RAD51B: variants seen among roughly 807,000 people sequenced by gnomAD.
RAD51B encodes RAD51 paralog B, also known as DNA repair protein RAD51 homolog 2.
A neutral mutation model predicts 42.2 loss-of-function variants in RAD51B; 38 were observed. The ratio of observed to expected loss-of-function variants is 0.90; its 90% CI spans 0.70 to 1.18. The LOEUF (loss-of-function observed/expected upper bound fraction) is 1.18. Ranked by LOEUF, RAD51B falls within the 50% of genes most tolerant of loss-of-function variation. The pLI, the probability that RAD51B is intolerant of heterozygous loss-of-function variation, is 0.00. For missense variants in RAD51B, 373 were observed against 400.7 expected (o/e 0.93, Z 0.59); for synonymous variants, 154 against 145.2 (o/e 1.06, Z -0.43).
At chr14:68,583,521 T>C (rs1368125628) in intron 10 of RAD51B, among the ~76,000 whole-genome samples, 3 of 152,218 alleles carry the variant, frequency 2.0e-5, no homozygotes, top group Non-Finnish European at 4.4e-5. Context: ...CTTCCTGATA[T>C]GGTGAAGGCC....
At chr14:68,078,530 T>G (rs1354265290) in intron 7 of RAD51B, among the ~76,000 whole-genome samples, 1 of 152,066 alleles carries the variant, frequency 6.6e-6, no homozygotes, top group Non-Finnish European at 1.5e-5. Context: ...TGAAGCAGCT[T>G]GTCTAGGTGC....
chr14:68,651,107 T>A (rs2140138627), intron 11 of RAD51B, among the ~76,000 whole-genome samples: 1 of 152,366 alleles, frequency 6.6e-6, no homozygotes, highest in Non-Finnish European at 1.5e-5. Context: ...TTTTAAAACC[T>A]GGTAAGCATA....
rs200836455 is a variant in RAD51B at position 67,844,612 on chromosome 14, T to TTA, written c.315+9428_315+9429dup. Among the ~76,000 whole-genome samples, 442 of 146,254 alleles carry TTA rather than the reference T, an allele frequency of 3.0e-3. 1 individual carries two copies. The highest frequency in any genetic ancestry group is 9.7e-3 in the African/African-American group (389 of 39,928). ...AGTGCCCTTGTCTTTTATATATATA[T>TTA]TATATATATATATTTTTTTTATTAT... On this transcript the variant is annotated intron_variant, in intron 4 of 10. Transcript: ENST00000471583.
At chr14:67,823,718 AGGCTT>A in intron 2 of RAD51B, 91 bp downstream of exon 2, 2 of 933,644 alleles carry the variant, frequency 2.1e-6, no homozygotes, top group African/African-American at 1.7e-5. Context: ...ATGAAAATGT[AGGCTT>A]ACAAAAAAAA....
intron 9 of RAD51B, among the ~76,000 whole-genome samples, chr14:68,460,834 G>T (rs923016448): frequency 6.6e-6 from 1 of 152,190 alleles, no homozygotes; most frequent in Non-Finnish European, 1.5e-5. Context: ...TGGGAAGCCT[G>T]CTGTTTTCTA....
At position 68,367,249 on chromosome 14, in the gene RAD51B, C is replaced by T. The variant is rs780258124; in HGVS notation, c.854-44175C>T. On this transcript the variant is annotated intron_variant, in intron 8 of 10. Coordinates refer to ENST00000471583, the MANE Select transcript of RAD51B (RefSeq NM_133510.4). ...CCATTTTGGGACTGAAAGATGATGA[C>T]AGTGATATGTTTTCAAACTGTACTT... Among the ~76,000 whole-genome samples, 53 of 152,238 alleles carry T rather than the reference C, an allele frequency of 3.5e-4. No homozygotes were observed. The Middle Eastern group carries it at 0.014, about 39-fold the overall frequency.
chr14:68,338,676 A>T (rs562054929), intron 8 of RAD51B: 152 of 260,872 alleles, frequency 5.8e-4, no homozygotes, highest in Middle Eastern at 1.4e-3. Context: ...TTTGAAGGAA[A>T]TTTTGTATTA....
intron 7 of RAD51B, among the ~76,000 whole-genome samples, chr14:68,287,047 G>A (rs978054231): frequency 1.6e-5 from 1 of 60,768 alleles, no homozygotes; most frequent in African/African-American, 6.9e-5. Context: ...TCTGCCTTCT[G>A]ACCAAAATGA....
At chr14:68,438,469 G>A (rs1055527337) in intron 9 of RAD51B, among the ~76,000 whole-genome samples, 4 of 152,156 alleles carry the variant, frequency 2.6e-5, no homozygotes, top group East Asian at 3.9e-4. Context: ...TGGAACATGC[G>A]TTGTTTCCTG....
chr14:68,143,818 ACT>A (rs2078192513), intron 7 of RAD51B, among the ~76,000 whole-genome samples: 1 of 152,020 alleles, frequency 6.6e-6, no homozygotes. Flanking sequence ...GTGTGTGTGG[ACT>A]CTATCAGAAC....
intron 9 of RAD51B, among the ~76,000 whole-genome samples, chr14:68,424,179 G>A: frequency 6.6e-6 from 1 of 152,132 alleles, no homozygotes; most frequent in Admixed American, 6.5e-5. Context: ...GATACAGAAT[G>A]ACATATAAAT....
At chr14:67,977,682 T>G (rs181522968) in intron 7 of RAD51B, among the ~76,000 whole-genome samples, 83 of 140,582 alleles carry the variant, frequency 5.9e-4, no homozygotes, top group Non-Finnish European at 1.1e-3. Flanking sequence ...TGTGTTAGCT[T>G]CTTCTTGTTA....
chr14:68,561,904 G>A, intron 10 of RAD51B: 1 of 948,140 alleles, frequency 1.1e-6, no homozygotes, highest in Non-Finnish European at 1.3e-6. Flanking sequence ...CCATGCAGAG[G>A]GCGAGTGGGA....
chr14:68,164,593 C>G (rs1327708741), intron 7 of RAD51B, among the ~76,000 whole-genome samples: 1 of 152,144 alleles, frequency 6.6e-6, no homozygotes. Flanking sequence ...TGGTGGGAAC[C>G]AGCCATGTTT....
At chr14:68,019,601 A>G (rs989753654) in intron 7 of RAD51B, among the ~76,000 whole-genome samples, 1 of 151,972 alleles carries the variant, frequency 6.6e-6, no homozygotes, top group African/African-American at 2.4e-5. Context: ...CTGACATTTC[A>G]TATATGTGAG....
At chr14:68,095,971 CA>C (rs56862052) in intron 7 of RAD51B, among the ~76,000 whole-genome samples, 1,535 of 62,526 alleles carry the variant, frequency 0.025, 4 homozygotes, top group African/African-American at 0.033. Flanking sequence ...GACTCCGTCT[CA>C]AAAAAAAAAA....
At chr14:68,638,237 G>A (rs547114223) in intron 10 of RAD51B, among the ~76,000 whole-genome samples, 58 of 152,356 alleles carry the variant, frequency 3.8e-4, no homozygotes, top group African/African-American at 1.4e-3. Context: ...GAGACTGGGG[G>A]ACTGGAGGAG....
intron 1 of RAD51B, chr14:67,822,174 A>T (rs2040652126): frequency 6.6e-6 from 1 of 152,196 alleles, no homozygotes; most frequent in South Asian, 2.1e-4. Context: ...CCTTGGATCC[A>T]TGAAGAGTTC....
At chr14:68,345,861 T>A (rs1325616889) in intron 8 of RAD51B, among the ~76,000 whole-genome samples, 2 of 152,290 alleles carry the variant, frequency 1.3e-5, no homozygotes, top group Non-Finnish European at 2.9e-5. Flanking sequence ...GGTTTCACCA[T>A]GTTGGCCAGG....
Sources: gnomAD v4.1 joint callset for allele counts (sites outside exome capture counted in the v4.1 genomes callset) on GRCh38, gnomAD v4.1.1 for gene constraint, MANE v1.5 for transcripts, NCBI Gene and HGNC (gene_info 2026-07-23, HGNC 2026-07-21) for gene names.